The following TIMM44 variants were observed in gnomAD, a reference collection of about 807,000 sequenced individuals.
The protein encoded by TIMM44 is translocase of inner mitochondrial membrane 44, also known as mitochondrial import inner membrane translocase subunit TIM44.
TIMM44 carries 37 observed loss-of-function variants against 63.8 expected under a neutral mutation model. The observed-to-expected ratio is 0.58, with a 90% confidence interval of 0.45 to 0.76. TIMM44 has a LOEUF of 0.76. Ranked by LOEUF, TIMM44 falls within the 30% of genes least tolerant of loss-of-function variation. The pLI is 0.00. For synonymous variants in TIMM44, 239 were observed against 245.1 expected (o/e 0.98, Z 0.23); for missense variants, 573 against 603.8 (o/e 0.95, Z 0.54).
At chr19:7,932,365 C>CAA (rs1984009891) in intron 9 of TIMM44, 3 of 542,958 alleles carry the variant, frequency 5.5e-6, no homozygotes, top group Non-Finnish European at 6.6e-6. Context: ...CCAGCAACCT[C>CAA]AAAGGAACAA....
rs113647007 is a variant in TIMM44, at chr19:7,927,400, G to A, written c.1240-94C>T. On this transcript the variant is annotated intron_variant, in intron 12 of 12. Coordinates refer to ENST00000270538, the MANE Select transcript of TIMM44 (RefSeq NM_006351.4). ...CAGGCTCTGTGGGGCAGGAGCCACC[G>A]GCAACTTCCCCAGGGGCTGGGAGCA... 17 of 1,477,726 alleles carry A rather than the reference G, an allele frequency of 1.2e-5. No homozygotes were observed. The African/African-American group carries it at 1.4e-4, about 12-fold the overall frequency. The allele number at this position is 1,477,726 out of a possible 1,614,324, so 91.5% of individuals were successfully genotyped here. A position where few individuals can be genotyped will look rare whatever the true frequency, so the allele number is the denominator to read the frequency against.
At position 7,928,144 on chromosome 19, in the gene TIMM44, G is replaced by C. The variant is rs756120261; in HGVS notation, c.1061C>G (p.Pro354Arg). The change falls in exon 11 of 13, where the codon CCC (proline) becomes CGC (arginine). Residue 354 changes from proline to arginine, a missense_variant. Pro to Arg is a moderately radical substitution (Grantham distance 103). Transcript: ENST00000270538. ...ACCCAGTGCCTTGGCCTGCTGGATG[G>C]GGTGGGCCAGCTGGCTGTAAGTCTG... is the stretch of plus-strand genomic sequence containing the variant. ...YEATYSQLAH[P>R]IQQAKALGLQ... The C allele has an allele frequency of 1.2e-6, 2 of 1,613,912 alleles. No individual in the cohort carries two copies. The highest frequency in any genetic ancestry group is 1.7e-5 in the Admixed American group (1 of 60,022).
Position 7,934,273 on chromosome 19 carries a change from CCGGCCCTGG to C in TIMM44, c.394-44_394-36del, listed in dbSNP as rs1473455916. On this transcript the variant is annotated intron_variant, in intron 4 of 12. Transcript: ENST00000270538. The surrounding 1 kb of genome is among the most constrained non-coding windows in gnomAD (Gnocchi z 5.3). ...CAGACACAGAGAGGGGGCGTTGGCA[CCGGCCCTGG>C]CGGCCGGGGGGCGGGGCAGGAGGAA... 22 of 1,607,046 alleles carry C rather than the reference CCGGCCCTGG, an allele frequency of 1.4e-5. No homozygotes were observed. The highest frequency in any genetic ancestry group is 1.9e-5 in the Non-Finnish European group (22 of 1,179,802).
chr19:7,941,301 A>ATT (rs373554761), intron 1 of TIMM44, 104 bp from the exon 2 acceptor site: 1,878 of 662,910 alleles, frequency 2.8e-3, no homozygotes, highest in Non-Finnish European at 3.3e-3. Flanking sequence ...CTCACTGGCC[A>ATT]TTTTTTTTTT....
chr19:7,929,247 G>A (rs897115281), intron 10 of TIMM44, among the ~76,000 whole-genome samples: 3 of 152,218 alleles, frequency 2.0e-5, no homozygotes, highest in African/African-American at 7.2e-5. Flanking sequence ...CAGACAGCTA[G>A]ACCAGACCCC....
chr19:7,937,850 A>C, intron 3 of TIMM44, 177 bp downstream of exon 3: 2 of 695,234 alleles, frequency 2.9e-6, no homozygotes, highest in Non-Finnish European at 4.9e-6. Context: ...AAACCTCTTC[A>C]CTACTAAAAA....
At chr19:7,928,202 C>T (rs373618431) in intron 10 of TIMM44, 36 bp from the exon 11 acceptor site, 1 of 1,574,858 alleles carries the variant, frequency 6.3e-7, no homozygotes, top group African/African-American at 1.3e-5. Flanking sequence ...CGTGATGCCA[C>T]CCAGGGTGGG....
chr19:7,928,865 C>T (rs185287916), intron 10 of TIMM44: 8 of 145,948 alleles, frequency 5.5e-5, no homozygotes, highest in Non-Finnish European at 8.9e-5. Context: ...CAGCAGCTCC[C>T]TGGCAAAGCG....
Position 7,938,101 on chromosome 19 carries a change from T to C in TIMM44, c.238A>G (p.Ser80Gly). ...GCCTCGTCACGGAATTTTTTTATAC[T>C]TTCTTTCATTTCTTTGTTTTTGGCT... ...ELAKNKEMKE[S>G]IKKFRDEARR... The change falls in exon 3 of 13, where the codon AGT (serine) becomes GGT (glycine). Residue 80 changes from serine (S) to glycine (G), a missense_variant. By Grantham distance (56) the Ser-to-Gly change is moderately conservative. Transcript: ENST00000270538. 2 of 1,614,168 alleles carry C rather than the reference T, an allele frequency of 1.2e-6. No individual in the cohort carries two copies. Among genetic ancestry groups the C allele is most frequent in the Non-Finnish European group, 1.7e-6 (2 of 1,180,030 alleles).
At position 7,927,734 on chromosome 19, in the gene TIMM44, C is replaced by T. The variant is rs138025511; in HGVS notation, c.1162G>A (p.Val388Met). 575 of 1,612,748 alleles carry T rather than the reference C, an allele frequency of 3.6e-4. 1 individual carries two copies. The highest frequency in any genetic ancestry group is 4.6e-4 in the Non-Finnish European group (546 of 1,180,004). Residue 388 changes from valine to methionine, a missense_variant, in exon 12 of 13, where the codon GTG (valine) becomes ATG (methionine). Physicochemically the swap from Val to Met is conservative, Grantham distance 21 (BLOSUM62 1). Transcript: ENST00000270538. The part of the protein sequence containing the change: ...AMGKMMEQGP[V>M]LIITFQAQLV... ...TGTGCCTGGAAGGTGATGATCAGCA[C>T]CGGCCCCTGCTCCATCATCTTGCCC...
At chr19:7,937,680 G>A (rs1355107588) in intron 3 of TIMM44, 1 of 331,576 alleles carries the variant, frequency 3.0e-6, no homozygotes, top group Non-Finnish European at 5.8e-6. Flanking sequence ...CCCTGGCCTG[G>A]AGAAACCCTG....
At chr19:7,931,610 A>G in intron 9 of TIMM44, 1 of 212,708 alleles carries the variant, frequency 4.7e-6, no homozygotes, top group Non-Finnish European at 9.6e-6. Context: ...TGCAAGGCCC[A>G]CCATGGGACC....
At chr19:7,932,582 C>T (rs755949329) in intron 9 of TIMM44, 45 bp downstream of exon 9, 2 of 1,603,674 alleles carry the variant, frequency 1.2e-6, no homozygotes, top group Non-Finnish European at 1.7e-6. Flanking sequence ...GGTGGTGGAG[C>T]CAGGACCTGC....
rs1178595867 is a variant in TIMM44, at chr19:7,931,284, A to C, written c.988-96T>G. ...CATTCTCCAGTGGTGCGGGGTGGGG[A>C]GTTTCCTCAGACACCCCCGGCTGCC... On this transcript the variant is annotated intron_variant, in intron 9 of 12. Coordinates refer to ENST00000270538, the MANE Select transcript of TIMM44 (RefSeq NM_006351.4). 3.4e-6 allele frequency: 4 copies of C among 1,170,460 alleles called. No individual in the cohort carries two copies. In the Admixed American group the frequency reaches 6.8e-5, roughly 20 times the overall value. The allele number at this position is 1,170,460 out of a possible 1,614,324, so 72.5% of individuals were successfully genotyped here. A position where few individuals can be genotyped will look rare whatever the true frequency, so the allele number is the denominator to read the frequency against.
chr19:7,930,367 G>T (rs1983946204), intron 10 of TIMM44, among the ~76,000 whole-genome samples: 1 of 147,406 alleles, frequency 6.8e-6, no homozygotes, highest in Non-Finnish European at 1.5e-5. Context: ...GAAGTGCAGT[G>T]GCGCGACCTC....
rs957198351 is a variant in TIMM44, at chr19:7,943,233, G to T, written c.45+374C>A. ...CGAGACAAGAAATGCTCTCGGTAGA[G>T]AACTTGGCATTTAACCGCGAGCTGT... On this transcript the variant is annotated intron_variant, in intron 1 of 12. Transcript: ENST00000270538. This position sits in a 1 kb window ranked among gnomAD's most constrained non-coding sequence, Gnocchi z 4.3. Among the ~76,000 whole-genome samples the T allele has an allele frequency of 7.2e-5, 11 of 152,094 alleles. No homozygotes were observed. The highest frequency in any genetic ancestry group is 4.6e-4 in the Admixed American group (7 of 15,262).
intron 1 of TIMM44, 143 bp from the exon 2 acceptor site, chr19:7,941,340 T>A: frequency 1.5e-6 from 1 of 681,636 alleles, no homozygotes; most frequent in Non-Finnish European, 2.6e-6. Flanking sequence ...CAGGCTAGAG[T>A]GCAGTGCTGC....
intron 2 of TIMM44, 41 bp downstream of exon 2, chr19:7,941,061 C>T: frequency 1.3e-6 from 2 of 1,555,506 alleles, no homozygotes; most frequent in East Asian, 2.2e-5. Flanking sequence ...ATTTTCGGGC[C>T]TCCCCTGTGT....
intron 10 of TIMM44, chr19:7,928,923 C>CAAAAAAA (rs758167153): frequency 4.3e-5 from 3 of 70,082 alleles, no homozygotes; most frequent in African/African-American, 1.3e-4. Flanking sequence ...AACAAAAAAC[C>CAAAAAAA]AAAAAAAAAA....
Sources: allele counts gnomAD v4.1 joint callset (sites outside exome capture counted in the v4.1 genomes callset), GRCh38; gene constraint gnomAD v4.1.1; non-coding constraint Gnocchi (gnomAD v3.1); transcripts MANE v1.5; gene names NCBI Gene and HGNC (gene_info 2026-07-23, HGNC 2026-07-21).